Variants in PCDH7 observed in about 807,000 individuals in gnomAD.
PCDH7 encodes the protein protocadherin 7, also known as protocadherin-7.
In PCDH7, 17 loss-of-function variants were observed where a neutral mutation model predicts 58.9. That is an observed-to-expected ratio of 0.29 (90% confidence interval 0.20 to 0.43). The LOEUF (loss-of-function observed/expected upper bound fraction) is 0.43. Ranked by LOEUF, PCDH7 falls within the 20% of genes least tolerant of loss-of-function variation. The probability of loss-of-function intolerance (pLI) is 1.00; values close to 1 mark genes in which losing one functional copy is unlikely to be tolerated. For missense variants in PCDH7, 1,274 were observed against 1,441.0 expected (o/e 0.88, Z 1.88); for synonymous variants, 664 against 616.4 (o/e 1.08, Z -1.14).
At chr4:31,103,100 A>G (rs751858867) in intron 3 of PCDH7, among the ~76,000 whole-genome samples, 2 of 152,206 alleles carry the variant, frequency 1.3e-5, no homozygotes, top group Non-Finnish European at 2.9e-5. Context: ...AATATTTAAT[A>G]TTAGCTATAA....
intron 3 of PCDH7, among the ~76,000 whole-genome samples, chr4:31,032,477 G>A (rs1440184317): frequency 2.0e-5 from 3 of 151,696 alleles, no homozygotes; most frequent in Non-Finnish European, 4.4e-5. Context: ...TTGTGGTAGT[G>A]CATGACTGTA....
intron 2 of PCDH7, among the ~76,000 whole-genome samples, chr4:30,926,160 A>C (rs1743840283): frequency 6.7e-6 from 1 of 150,354 alleles, no homozygotes; most frequent in East Asian, 2.0e-4. Context: ...AACAATGATA[A>C]ATAGTTGGGA....
intron 1 of PCDH7, among the ~76,000 whole-genome samples, chr4:30,885,658 C>T (rs1048716127): frequency 1.5e-4 from 23 of 152,084 alleles, no homozygotes; most frequent in African/African-American, 4.8e-4. Context: ...GAGCCTGCAT[C>T]GCCAAGTCAA....
intron 3 of PCDH7, among the ~76,000 whole-genome samples, chr4:31,044,171 G>C (rs1035327842): frequency 2.6e-5 from 4 of 151,962 alleles, no homozygotes; most frequent in Non-Finnish European, 5.9e-5. Context: ...GGTTCATTCA[G>C]TATAACAGAT....
intron 3 of PCDH7, among the ~76,000 whole-genome samples, chr4:31,089,078 A>C (rs1361320863): frequency 6.6e-6 from 1 of 152,052 alleles, no homozygotes; most frequent in Admixed American, 6.6e-5. Context: ...AATAGCTAAG[A>C]GCACCACTTG....
At chr4:30,821,242 T>C (rs2109321607) in intron 1 of PCDH7, among the ~76,000 whole-genome samples, 1 of 152,302 alleles carries the variant, frequency 6.6e-6, no homozygotes, top group Non-Finnish European at 1.5e-5. Context: ...CTATTCTACC[T>C]CCTCTTTGCA....
chr4:30,881,565 C>T (rs895312994), intron 1 of PCDH7, among the ~76,000 whole-genome samples: 2 of 152,100 alleles, frequency 1.3e-5, no homozygotes, highest in African/African-American at 2.4e-5. Context: ...TGTCTTTTAC[C>T]ACCGTTTCTA....
At chr4:30,938,126 T>C (rs1745575702) in intron 2 of PCDH7, among the ~76,000 whole-genome samples, 1 of 152,120 alleles carries the variant, frequency 6.6e-6, no homozygotes, top group Non-Finnish European at 1.5e-5. Context: ...TATAGCTACA[T>C]GGAGAGATGT....
At chr4:30,947,112 T>C (rs1746788898) in intron 2 of PCDH7, among the ~76,000 whole-genome samples, 1 of 152,144 alleles carries the variant, frequency 6.6e-6, no homozygotes, top group South Asian at 2.1e-4. Flanking sequence ...GGGCTTATTT[T>C]ACTAAGTCCC....
chr4:30,778,910 T>A (rs1191119331), intron 1 of PCDH7, among the ~76,000 whole-genome samples: 3 of 151,712 alleles, frequency 2.0e-5, no homozygotes, highest in Non-Finnish European at 4.4e-5. Context: ...AATGTTATAT[T>A]GAACATGTCC....
downstream of PCDH7, among the ~76,000 whole-genome samples, chr4:30,734,417 A>G (rs1037765329): frequency 6.6e-6 from 1 of 152,030 alleles, no homozygotes; most frequent in African/African-American, 2.4e-5. Flanking sequence ...TATTTTTAGT[A>G]GAAATGCAGT....
In PCDH7 at chr4:30,846,578, T is replaced by C. The variant is rs570640132; in HGVS notation, c.71-73575T>C. Among the ~76,000 whole-genome samples the C allele has an allele frequency of 2.6e-5, 4 of 152,166 alleles. No homozygotes were observed. In the East Asian group the frequency reaches 7.8e-4, roughly 29 times the overall value. ...GACAATTATTACTTGTGGGTAGCTG[T>C]CCTGTGCAGGATAAAGTGTTTAACA... is the stretch of plus-strand genomic sequence containing the variant. On this transcript the variant is annotated intron_variant, in intron 1 of 3. Coordinates refer to the PCDH7 transcript ENST00000509759.
chr4:31,032,579 G>A (rs1273035234), intron 3 of PCDH7, among the ~76,000 whole-genome samples: 1 of 148,512 alleles, frequency 6.7e-6, no homozygotes, highest in South Asian at 2.2e-4. Context: ...CTGCACTCCA[G>A]CCTGGGTGAT....
chr4:31,106,014 G>C (rs1173967485), intron 3 of PCDH7, among the ~76,000 whole-genome samples: 1 of 106,686 alleles, frequency 9.4e-6, no homozygotes, highest in Non-Finnish European at 1.7e-5. Flanking sequence ...CTCAAAAAAA[G>C]AAAAAAAAAA....
At chr4:30,881,516 T>C (rs1296630785) in intron 1 of PCDH7, among the ~76,000 whole-genome samples, 1 of 152,160 alleles carries the variant, frequency 6.6e-6, no homozygotes, top group Non-Finnish European at 1.5e-5. Flanking sequence ...TCATGTCATC[T>C]CTAGCACAAA....
intron 1 of PCDH7, among the ~76,000 whole-genome samples, chr4:30,754,188 G>GTGTGTT (rs1039079090): frequency 2.8e-4 from 40 of 141,024 alleles, no homozygotes; most frequent in African/African-American, 9.3e-4. Flanking sequence ...GTGTGTGTGT[G>GTGTGTT]TTTTTTCTGG....
At chr4:31,052,357 C>T (rs1756823762) in intron 3 of PCDH7, among the ~76,000 whole-genome samples, 1 of 152,096 alleles carries the variant, frequency 6.6e-6, no homozygotes, top group African/African-American at 2.4e-5. Context: ...TTTGAAACTA[C>T]ACAAAGGAAT....
chr4:30,740,245 T>C (rs1310855598), intron 1 of PCDH7, among the ~76,000 whole-genome samples: 1 of 152,194 alleles, frequency 6.6e-6, no homozygotes, highest in Non-Finnish European at 1.5e-5. Flanking sequence ...TGGAATTGGA[T>C]TCCCTTGCTT....
At chr4:30,857,670 A>G (rs1174290296) in intron 1 of PCDH7, among the ~76,000 whole-genome samples, 1 of 152,128 alleles carries the variant, frequency 6.6e-6, no homozygotes, top group Non-Finnish European at 1.5e-5. Flanking sequence ...AAGGTCTATT[A>G]TGAGTATCCT....
Sources: allele counts gnomAD v4.1 joint callset (sites outside exome capture counted in the v4.1 genomes callset), GRCh38; gene constraint gnomAD v4.1.1; transcripts MANE v1.5; gene names NCBI Gene and HGNC (gene_info 2026-07-23, HGNC 2026-07-21).